The following TES variants were observed in gnomAD, a reference collection of about 807,000 sequenced individuals.
TES encodes testin LIM domain protein.
In TES, 41 loss-of-function variants were observed where a neutral mutation model predicts 48.2. The observed-to-expected ratio is 0.85, with a 90% CI of 0.66 to 1.10. TES has a LOEUF of 1.10. Among genes scored for constraint, TES ranks in the 50% least tolerant of loss-of-function variants. The pLI is 0.00. For synonymous variants in TES, 162 were observed against 174.9 expected (o/e 0.93, Z 0.58); for missense variants, 463 against 515.1 (o/e 0.90, Z 0.98).
intron 1 of TES, among the ~76,000 whole-genome samples, chr7:116,228,010 T>C (rs1394114811): frequency 7.0e-6 from 1 of 142,566 alleles, no homozygotes; most frequent in Middle Eastern, 3.3e-3. Context: ...TTTTTTTTGT[T>C]TTTTTTTTTT....
chr7:116,217,979 A>T, intron 1 of TES: 1 of 479,870 alleles, frequency 2.1e-6, no homozygotes, highest in South Asian at 1.5e-5. Context: ...AATTCAAAAA[A>T]GTAAAAAAGC....
chr7:116,252,547 C>G (rs1252605894), intron 6 of TES, 71 bp downstream of exon 6: 9 of 1,602,888 alleles, frequency 5.6e-6, no homozygotes, highest in Non-Finnish European at 7.7e-6. Flanking sequence ...TTCTTAAAGC[C>G]TCTTACAAAT....
intron 1 of TES, among the ~76,000 whole-genome samples, chr7:116,221,632 G>A (rs1434601830): frequency 6.6e-6 from 1 of 152,120 alleles, no homozygotes; most frequent in African/African-American, 2.4e-5. Context: ...TGTGGAAGGA[G>A]TCTTACAGAA....
intron 1 of TES, among the ~76,000 whole-genome samples, chr7:116,219,340 T>G (rs1799529877): frequency 6.6e-6 from 1 of 152,152 alleles, no homozygotes. Flanking sequence ...TAAAGAGGTA[T>G]GTCACTGAGC....
At position 116,223,072 on chromosome 7, in the gene TES, T is replaced by C. The variant is rs1042855951; in HGVS notation, c.28-11462T>C. 2.1e-5 allele frequency: 18 copies of C among 854,546 alleles called. No homozygotes were observed. In the African/African-American group the frequency reaches 2.8e-4, roughly 13 times the overall value. The allele number at this position is 854,546 out of a possible 1,614,324, so 52.9% of individuals were successfully genotyped here. On this transcript the variant is annotated intron_variant, in intron 1 of 6. Transcript: ENST00000358204. ...CCTTCATACAGTAGTATAAAAATAA[T>C]TTGATAGCAGTCCGTTTGAAAAATG...
chr7:116,237,719 C>T (rs1799790685), intron 2 of TES, among the ~76,000 whole-genome samples: 1 of 152,122 alleles, frequency 6.6e-6, no homozygotes, highest in Non-Finnish European at 1.5e-5. Flanking sequence ...TCTTCCAGTT[C>T]TAGAGGCTGG....
At chr7:116,239,816 TATA>T (rs1464080636) in intron 2 of TES, among the ~76,000 whole-genome samples, 1 of 152,192 alleles carries the variant, frequency 6.6e-6, no homozygotes, top group Non-Finnish European at 1.5e-5. Context: ...TTTCAAGTAA[TATA>T]TAGAGATAAA....
intron 6 of TES, among the ~76,000 whole-genome samples, chr7:116,253,865 G>GGTGT (rs1010614961): frequency 6.6e-6 from 1 of 151,196 alleles, no homozygotes; most frequent in Non-Finnish European, 1.5e-5. Flanking sequence ...GGTGTGTGGG[G>GGTGT]GTGTGTGTGT....
intron 6 of TES, 27 bp from the exon 7 acceptor site, chr7:116,257,267 C>T (rs762519731): frequency 2.7e-5 from 42 of 1,563,538 alleles, no homozygotes; most frequent in Non-Finnish European, 3.6e-5. Context: ...ATCTCTCACC[C>T]TCTTCTCTTG....
intron 2 of TES, among the ~76,000 whole-genome samples, chr7:116,243,616 G>A (rs553790934): frequency 6.6e-6 from 1 of 152,128 alleles, no homozygotes; most frequent in Non-Finnish European, 1.5e-5. Flanking sequence ...AAATTTATCA[G>A]TGGTTTCATT....
At chr7:116,254,735 C>T (rs550765635) in intron 6 of TES, among the ~76,000 whole-genome samples, 5 of 121,032 alleles carry the variant, frequency 4.1e-5, no homozygotes, top group Admixed American at 8.4e-5. Context: ...TGCGACACTC[C>T]GTCTCAAAAA....
At chr7:116,248,914 C>G in intron 2 of TES, 106 bp from the exon 3 acceptor site, 2 of 1,191,632 alleles carry the variant, frequency 1.7e-6, no homozygotes, top group Non-Finnish European at 2.3e-6. Flanking sequence ...CCTTTGCATA[C>G]CATGATATAG....
intron 1 of TES, among the ~76,000 whole-genome samples, chr7:116,231,123 T>TGAG (rs1799694718): frequency 6.6e-6 from 1 of 152,174 alleles, no homozygotes; most frequent in African/African-American, 2.4e-5. Context: ...AGCCAGATGC[T>TGAG]GAGTTTTAGG....
In TES at chr7:116,257,293, G is replaced by A. The variant is rs377244971; in HGVS notation, c.1078-1G>A. Reference sequence around the variant, plus strand: ...TCTTCTCTTGTATTATTTCTTAATAGGTGTGTCAAGGATGCCACAATGCCA... The same window carrying A: ...TCTTCTCTTGTATTATTTCTTAATAAGTGTGTCAAGGATGCCACAATGCCA... On this transcript the variant is annotated splice_acceptor_variant, in intron 6 of 6. Transcript: ENST00000358204. LOFTEE classifies it high-confidence loss of function. 2.3e-5 allele frequency: 37 copies of A among 1,603,266 alleles called. No homozygotes were observed. Among genetic ancestry groups the A allele is most frequent in the Admixed American group, 3.4e-5 (2 of 58,062 alleles).
chr7:116,229,205 G>A lies in TES; in HGVS notation c.28-5329G>A, dbSNP rs151079327. ...ACCTTCCTCCCTGCCACTCTCTCTC[G>A]CACCCTGGGCATCATTAAATAACAC... On this transcript the variant is annotated intron_variant, in intron 1 of 6. Coordinates refer to ENST00000358204, the MANE Select transcript of TES (RefSeq NM_015641.4). 1.1e-3 allele frequency among the ~76,000 whole-genome samples: 170 copies of A among 151,510 alleles called. 2 individuals are homozygous for A. The South Asian group carries it at 0.012, about 11-fold the overall frequency.
At chr7:116,239,427 T>G (rs368807919) in intron 2 of TES, among the ~76,000 whole-genome samples, 42 of 152,312 alleles carry the variant, frequency 2.8e-4, no homozygotes, top group African/African-American at 9.4e-4. Context: ...TGTACCTGAT[T>G]GTACCTAATC....
At chr7:116,217,990 ATAGTT>A in intron 1 of TES, 1 of 468,212 alleles carries the variant, frequency 2.1e-6, no homozygotes, top group South Asian at 1.5e-5. Flanking sequence ...GTAAAAAAGC[ATAGTT>A]TAGAATTGCC....
At chr7:116,233,116 T>A (rs113467663) in intron 1 of TES, among the ~76,000 whole-genome samples, 366 of 152,334 alleles carry the variant, frequency 2.4e-3, no homozygotes, top group African/African-American at 8.6e-3. Context: ...AAAATACCTA[T>A]TACTTGTCCA....
At chr7:116,226,943 T>C (rs757760251) in intron 1 of TES, among the ~76,000 whole-genome samples, 22 of 152,262 alleles carry the variant, frequency 1.4e-4, no homozygotes, top group Admixed American at 8.5e-4. Context: ...GAAAGAGAAA[T>C]GTAGCAGATT....
Sources: gnomAD v4.1 joint callset for allele counts (sites outside exome capture counted in the v4.1 genomes callset) on GRCh38, gnomAD v4.1.1 for gene constraint, MANE v1.5 for transcripts, NCBI Gene and HGNC (gene_info 2026-07-23, HGNC 2026-07-21) for gene names.